The following EPHB1 variants were observed in gnomAD, a reference collection of about 807,000 sequenced individuals.
EPHB1 encodes EPH receptor B1, also known as ephrin type-B receptor 1.
A neutral mutation model predicts 94.4 loss-of-function variants in EPHB1; 30 were observed. That is an observed-to-expected ratio of 0.32 (90% CI 0.24 to 0.43). The LOEUF is 0.43. Among genes scored for constraint, EPHB1 ranks in the 20% least tolerant of loss-of-function variants. EPHB1 has a pLI of 1.00. For synonymous variants in EPHB1, 522 were observed against 489.1 expected (o/e 1.07, Z -0.89); for missense variants, 1,055 against 1,308.3 (o/e 0.81, Z 2.99).
At chr3:134,955,850 C>A (rs1469261528) in intron 3 of EPHB1, among the ~76,000 whole-genome samples, 2 of 152,210 alleles carry the variant, frequency 1.3e-5, no homozygotes, top group East Asian at 3.9e-4. Flanking sequence ...AATGCCCCAT[C>A]TACCCCAATT....
chr3:134,875,165 G>T (rs1450747143), intron 1 of EPHB1, among the ~76,000 whole-genome samples: 3 of 152,194 alleles, frequency 2.0e-5, no homozygotes, highest in African/African-American at 7.2e-5. Context: ...GACTTGTTGT[G>T]CACGGCAAGG....
At chr3:135,043,277 G>GTAATAA (rs3067430) in intron 3 of EPHB1, among the ~76,000 whole-genome samples, 13 of 149,800 alleles carry the variant, frequency 8.7e-5, no homozygotes, top group African/African-American at 3.2e-4. Flanking sequence ...AATAATAATA[G>GTAATAA]TAATAATAAT....
intron 3 of EPHB1, among the ~76,000 whole-genome samples, chr3:135,038,478 T>C (rs1936720900): frequency 6.6e-6 from 1 of 152,160 alleles, no homozygotes; most frequent in Non-Finnish European, 1.5e-5. Flanking sequence ...ATAGGCCCAG[T>C]CTGGCAGCTG....
chr3:134,878,805 G>C (rs2037667527), intron 1 of EPHB1, among the ~76,000 whole-genome samples: 2 of 152,140 alleles, frequency 1.3e-5, no homozygotes, highest in African/African-American at 4.8e-5. Flanking sequence ...TAAAACTTCA[G>C]TGTGTTCATT....
intron 3 of EPHB1, among the ~76,000 whole-genome samples, chr3:135,070,772 A>G (rs1937680004): frequency 6.6e-6 from 1 of 152,052 alleles, no homozygotes; most frequent in Non-Finnish European, 1.5e-5. Context: ...TTTTAAGACA[A>G]ATGTTTCATT....
chr3:135,256,539 T>A (rs1346510909), intron 15 of EPHB1, among the ~76,000 whole-genome samples: 1 of 152,218 alleles, frequency 6.6e-6, no homozygotes, highest in Non-Finnish European at 1.5e-5. Flanking sequence ...GAATGTTGAA[T>A]ATTGGCCCCC....
At chr3:135,024,054 CATGTA>C (rs1936060037) in intron 3 of EPHB1, among the ~76,000 whole-genome samples, 1 of 152,192 alleles carries the variant, frequency 6.6e-6, no homozygotes, top group Non-Finnish European at 1.5e-5. Flanking sequence ...ACTTTAAATA[CATGTA>C]ATCAGCTCTT....
chr3:134,837,213 C>T (rs1018036854), intron 1 of EPHB1, among the ~76,000 whole-genome samples: 5 of 152,180 alleles, frequency 3.3e-5, no homozygotes, highest in Non-Finnish European at 5.9e-5. Context: ...TAAATCTTCT[C>T]TTTAAAATAT....
intron 5 of EPHB1, among the ~76,000 whole-genome samples, chr3:135,138,739 A>C (rs1244059754): frequency 6.6e-6 from 1 of 152,266 alleles, no homozygotes; most frequent in African/African-American, 2.4e-5. Context: ...AAAAAACTTA[A>C]GCAAATAAAA....
At chr3:135,076,260 T>TATATATATGTAA (rs1424213544) in intron 3 of EPHB1, among the ~76,000 whole-genome samples, 13 of 104,348 alleles carry the variant, frequency 1.2e-4, no homozygotes, top group African/African-American at 4.7e-4. Context: ...TATATATATA[T>TATATATATGTAA]AACTCTTAAA....
At chr3:135,054,842 A>G (rs1937301072) in intron 3 of EPHB1, among the ~76,000 whole-genome samples, 1 of 152,070 alleles carries the variant, frequency 6.6e-6, no homozygotes, top group African/African-American at 2.4e-5. Flanking sequence ...TGTTATCCTC[A>G]CCTTAAAAGT....
At chr3:134,854,451 C>T (rs2037066058) in intron 1 of EPHB1, among the ~76,000 whole-genome samples, 1 of 151,996 alleles carries the variant, frequency 6.6e-6, no homozygotes, top group Non-Finnish European at 1.5e-5. Context: ...TTTATTGCAC[C>T]GCATTTTGGT....
At chr3:135,209,154 A>G (rs1942973651) in intron 12 of EPHB1, among the ~76,000 whole-genome samples, 1 of 152,190 alleles carries the variant, frequency 6.6e-6, no homozygotes, top group South Asian at 2.1e-4. Flanking sequence ...AAACAAGAGA[A>G]AGCTCTTCCC....
At chr3:134,959,262 A>G (rs764267300) in intron 3 of EPHB1, among the ~76,000 whole-genome samples, 2 of 152,086 alleles carry the variant, frequency 1.3e-5, no homozygotes, top group Admixed American at 6.5e-5. Context: ...AGTGAGTGGT[A>G]TGGAGATGCT....
chr3:135,141,837 T>C (rs901619826), intron 5 of EPHB1, among the ~76,000 whole-genome samples: 1 of 152,178 alleles, frequency 6.6e-6, no homozygotes, highest in Non-Finnish European at 1.5e-5. Flanking sequence ...CTGAAAACCA[T>C]GTTCCCACAG....
intron 1 of EPHB1, among the ~76,000 whole-genome samples, chr3:134,800,217 C>G (rs1171037543): frequency 6.6e-6 from 1 of 152,066 alleles, no homozygotes; most frequent in Non-Finnish European, 1.5e-5. Flanking sequence ...ATGTTGCCCA[C>G]TTATTCCAAC....
chr3:135,127,000 C>T (rs987352019), intron 4 of EPHB1, among the ~76,000 whole-genome samples: 1 of 152,158 alleles, frequency 6.6e-6, no homozygotes, highest in African/African-American at 2.4e-5. Context: ...CTACCACTAG[C>T]CTCTGATGTT....
At chr3:135,085,994 G>A (rs1436196697) in intron 3 of EPHB1, among the ~76,000 whole-genome samples, 2 of 152,170 alleles carry the variant, frequency 1.3e-5, no homozygotes, top group African/African-American at 4.8e-5. Context: ...CTCCCCAGGA[G>A]AAAGGCGTCA....
At chr3:135,139,133 A>AAT (rs1940725940) in intron 5 of EPHB1, among the ~76,000 whole-genome samples, 2 of 152,224 alleles carry the variant, frequency 1.3e-5, no homozygotes, top group African/African-American at 4.8e-5. Flanking sequence ...GATGAGCATT[A>AAT]GTATGTAAGT....
Sources: gnomAD v4.1 joint callset for allele counts (sites outside exome capture counted in the v4.1 genomes callset) on GRCh38, gnomAD v4.1.1 for gene constraint, MANE v1.5 for transcripts, NCBI Gene and HGNC (gene_info 2026-07-23, HGNC 2026-07-21) for gene names.